Variants in PDE5A observed in about 807,000 individuals in gnomAD.
The protein encoded by PDE5A is cGMP-specific 3',5'-cyclic phosphodiesterase.
Under a neutral mutation model 110.2 loss-of-function variants are expected in PDE5A, and 67 were observed. The observed-to-expected ratio is 0.61, with a 90% confidence interval of 0.50 to 0.75. The LOEUF is 0.75. Ranked by LOEUF, PDE5A falls within the 30% of genes least tolerant of loss-of-function variation. PDE5A has a pLI of 0.00. For missense variants in PDE5A, 862 were observed against 1,045.1 expected, an observed-to-expected ratio of 0.82 and a Z score of 2.42; for synonymous variants, 328 against 351.2, an observed-to-expected ratio of 0.93 and a Z score of 0.74.
chr4:119,552,615 T>C lies in PDE5A; in HGVS notation c.1331A>G (p.Asn444Ser). The change falls in exon 9 of 21, where the codon AAC becomes AGC. Residue 444 changes from asparagine to serine, a missense_variant. Asn to Ser is a conservative substitution (Grantham distance 46, BLOSUM62 1). Transcript: ENST00000354960. Reference sequence around the variant, plus strand: ...AAGCAAACTTCTAATGCACTGCTGGTTTACATTTCCTGTATTTTCAGTCTA... The same window carrying C: ...AAGCAAACTTCTAATGCACTGCTGGCTTACATTTCCTGTATTTTCAGTCTA... ...PWTTENTGNVNQQCIRSLLCT... is the reference protein window; with the variant it reads ...PWTTENTGNVSQQCIRSLLCT... 1.3e-6 allele frequency: 2 copies of C among 1,541,168 alleles called. No individual in the cohort carries two copies. Among genetic ancestry groups the C allele is most frequent in the African/African-American group, 1.4e-5 (1 of 71,950 alleles).
At chr4:119,595,276 T>C (rs1729114727) in intron 3 of PDE5A, among the ~76,000 whole-genome samples, 1 of 152,160 alleles carries the variant, frequency 6.6e-6, no homozygotes, top group Admixed American at 6.5e-5. Context: ...TGGCAGTGGT[T>C]CTCAACCTTG....
chr4:119,515,430 C>G (rs1725876730), intron 14 of PDE5A, among the ~76,000 whole-genome samples: 1 of 152,088 alleles, frequency 6.6e-6, no homozygotes, highest in Non-Finnish European at 1.5e-5. Flanking sequence ...ACTGTGGCTA[C>G]CAGGAGATTT....
intron 1 of PDE5A, among the ~76,000 whole-genome samples, chr4:119,619,616 A>ATGCT (rs2110563188): frequency 6.6e-6 from 1 of 152,342 alleles, no homozygotes; most frequent in African/African-American, 2.4e-5. Flanking sequence ...TGAAATCACT[A>ATGCT]TGCTGTCAGA....
At chr4:119,510,515 A>G (rs78526230) in intron 15 of PDE5A, among the ~76,000 whole-genome samples, 1 of 152,198 alleles carries the variant, frequency 6.6e-6, no homozygotes, top group East Asian at 1.9e-4. Context: ...GCCATTGTTA[A>G]TATCCTGGTG....
intron 15 of PDE5A, among the ~76,000 whole-genome samples, chr4:119,510,049 T>C (rs1006569429): frequency 2.1e-5 from 3 of 142,718 alleles, no homozygotes; most frequent in Admixed American, 7.1e-5. Flanking sequence ...CACATGGAGG[T>C]TGGGGAGAGA....
At chr4:119,536,042 T>G (rs1437973733) in intron 11 of PDE5A, among the ~76,000 whole-genome samples, 2 of 152,284 alleles carry the variant, frequency 1.3e-5, no homozygotes, top group African/African-American at 4.8e-5. Context: ...CCAATTTAAG[T>G]GAATTACTTG....
chr4:119,554,999 T>C (rs1328237311), intron 7 of PDE5A, among the ~76,000 whole-genome samples: 2 of 152,140 alleles, frequency 1.3e-5, no homozygotes, highest in Non-Finnish European at 2.9e-5. Context: ...TTGTTCTAAG[T>C]TTCCAAAGTT....
chr4:119,507,514 G>C, intron 16 of PDE5A, 90 bp downstream of exon 16: 1 of 855,596 alleles, frequency 1.2e-6, no homozygotes, highest in South Asian at 1.6e-5. Context: ...GGACATTTCT[G>C]CTTTGAAATT....
chr4:119,563,342 C>T (rs1012506980), intron 5 of PDE5A, among the ~76,000 whole-genome samples: 17 of 152,128 alleles, frequency 1.1e-4, no homozygotes, highest in Admixed American at 6.6e-4. Flanking sequence ...GTACATAAAA[C>T]GCACTGTTAA....
intron 10 of PDE5A, 167 bp from the exon 11 acceptor site, chr4:119,539,186 G>A (rs1423069520): frequency 3.3e-6 from 2 of 613,212 alleles, no homozygotes; most frequent in East Asian, 5.4e-5. Context: ...CCCAGATTTA[G>A]ATTCCATTGC....
At chr4:119,509,970 G>T (rs1222924231) in intron 15 of PDE5A, among the ~76,000 whole-genome samples, 2 of 151,964 alleles carry the variant, frequency 1.3e-5, no homozygotes, top group Non-Finnish European at 2.9e-5. Flanking sequence ...GTACCAGTCT[G>T]TTAAGAATGT....
At chr4:119,557,220 C>T (rs1183137328) in intron 7 of PDE5A, among the ~76,000 whole-genome samples, 1 of 152,164 alleles carries the variant, frequency 6.6e-6, no homozygotes, top group African/African-American at 2.4e-5. Context: ...CTTGCCAAAC[C>T]TTCCTTAGAA....
In PDE5A at chr4:119,525,168, T is replaced by C. The variant is rs1483408695; in HGVS notation, c.1779+381A>G. 6.6e-6 allele frequency among the ~76,000 whole-genome samples: 1 copy of C among 152,116 alleles called. No homozygotes were observed. The highest frequency in any genetic ancestry group is 1.5e-5 in the Non-Finnish European group (1 of 68,022). The stretch of plus-strand genomic sequence containing the variant: ...GTTTTCAGGGTAAAATCCAAATTCA[T>C]CTGTACGGCTTACAAGGTTCCGTAT... On this transcript the variant is annotated intron_variant, in intron 12 of 20. Transcript: ENST00000354960. The surrounding 1 kb of genome is among the most constrained non-coding windows in gnomAD (Gnocchi z 4.3).
chr4:119,588,428 T>C (rs997291432), intron 3 of PDE5A, among the ~76,000 whole-genome samples: 5 of 151,632 alleles, frequency 3.3e-5, no homozygotes, highest in East Asian at 1.9e-4. Context: ...CCACCCCCCT[T>C]AGCCTCCCAA....
At chr4:119,613,157 TG>T (rs1729815851) in intron 1 of PDE5A, among the ~76,000 whole-genome samples, 1 of 152,230 alleles carries the variant, frequency 6.6e-6, no homozygotes, top group Admixed American at 6.5e-5. Context: ...TGAAGATAAT[TG>T]TTTATGGCTA....
At chr4:119,508,219 G>A (rs367787077) in intron 15 of PDE5A, among the ~76,000 whole-genome samples, 1 of 152,020 alleles carries the variant, frequency 6.6e-6, no homozygotes. Flanking sequence ...TAAAGGGCAT[G>A]AGCCAAAGGG....
rs947880653 is a variant in PDE5A, at chr4:119,494,457, A to G, written c.*4144T>C. ...GCATGGCAAAATGAGGAAACCACTG[A>G]CAGGTGAAGAATTTGCACAATGGAA... On this transcript the variant is annotated 3_prime_UTR_variant, in exon 21 of 21. Coordinates refer to ENST00000354960, the MANE Select transcript of PDE5A (RefSeq NM_001083.4). 1.3e-5 allele frequency: 2 copies of G among 152,338 alleles called. No individual in the cohort carries two copies. The highest frequency in any genetic ancestry group is 2.9e-5 in the Non-Finnish European group (2 of 68,028). 9.4% of individuals were successfully genotyped at this position (152,338 alleles called of 1,614,324 possible).
At chr4:119,617,124 A>C (rs1384778784) in intron 1 of PDE5A, among the ~76,000 whole-genome samples, 1 of 152,220 alleles carries the variant, frequency 6.6e-6, no homozygotes, top group South Asian at 2.1e-4. Flanking sequence ...TAATCTGGGA[A>C]GAATCAAAAC....
intron 9 of PDE5A, chr4:119,543,741 G>A (rs1297529245): frequency 1.3e-5 from 2 of 152,362 alleles, no homozygotes; most frequent in African/African-American, 4.8e-5. Context: ...CTTTGCTTAT[G>A]CTTTTCCACA....
Sources: gnomAD v4.1 joint callset for allele counts (sites outside exome capture counted in the v4.1 genomes callset) on GRCh38, gnomAD v4.1.1 for gene constraint, Gnocchi (gnomAD v3.1) non-coding constraint, MANE v1.5 for transcripts, NCBI Gene and HGNC (gene_info 2026-07-23, HGNC 2026-07-21) for gene names.